The following ZBED6 variants were observed in gnomAD, a reference collection of about 807,000 sequenced individuals.
The protein encoded by ZBED6 is zinc finger BED-type containing 6, also known as zinc finger BED domain-containing protein 6.
Under a neutral mutation model 58.4 loss-of-function variants are expected in ZBED6, and 40 were observed. The observed-to-expected ratio is 0.68, with a 90% CI of 0.53 to 0.89. ZBED6 has a LOEUF of 0.89. ZBED6 is among the 40% of genes least tolerant of loss of function. The pLI is 0.00. For synonymous variants in ZBED6, 439 were observed against 350.6 expected, an observed-to-expected ratio of 1.25 and a Z score of -2.82; for missense variants, 1,057 against 1,003.9, an observed-to-expected ratio of 1.05 and a Z score of -0.71.
exon 1 of ZBED6, chr1:203,798,499 G>C: frequency 1.3e-6 from 2 of 1,536,148 alleles, no homozygotes; most frequent in Non-Finnish European, 1.7e-6. Context: ...AAAGACAGTG[G>C]TGCTGTTGCA....
chr1:203,820,417 C>A (rs1357395666), intron 3 of ZBED6, among the ~76,000 whole-genome samples: 4 of 149,826 alleles, frequency 2.7e-5, no homozygotes, highest in Non-Finnish European at 4.5e-5. Context: ...TTTGTATTCC[C>A]CCTCATTACT....
chr1:203,853,427 GT>G (rs113971217), exon 17 of ZBED6: 4 of 152,612 alleles, frequency 2.6e-5, no homozygotes, highest in African/African-American at 9.6e-5. Flanking sequence ...ATACCTGCCA[GT>G]TTTCTTCATT....
intron 11 of ZBED6, among the ~76,000 whole-genome samples, chr1:203,841,415 TAATC>T (rs749188259): frequency 2.0e-5 from 3 of 152,280 alleles, no homozygotes; most frequent in South Asian, 2.1e-4. Context: ...GCACCGCCCT[TAATC>T]AATTTAACCC....
intron 9 of ZBED6, among the ~76,000 whole-genome samples, chr1:203,836,605 A>G (rs989514606): frequency 6.6e-6 from 1 of 152,108 alleles, no homozygotes. Flanking sequence ...TACTACAAAA[A>G]AGTCTACTAA....
At chr1:203,802,709 G>T (rs1320333980) in exon 1 of ZBED6, 2 of 112,336 alleles carry the variant, frequency 1.8e-5, no homozygotes, top group Non-Finnish European at 3.7e-5. Flanking sequence ...ATCTTTAAAT[G>T]AACTCTTTTT....
At chr1:203,841,756 A>C (rs891326972) in intron 11 of ZBED6, among the ~76,000 whole-genome samples, 12 of 151,130 alleles carry the variant, frequency 7.9e-5, no homozygotes, top group Admixed American at 7.9e-4. Flanking sequence ...CCCACCTCCC[A>C]GACGGGGCAG....
chr1:203,798,142 C>T, exon 1 of ZBED6: 1 of 1,536,102 alleles, frequency 6.5e-7, no homozygotes, highest in South Asian at 1.2e-5. Flanking sequence ...TCTTTATCTC[C>T]CTCTTCTGGA....
chr1:203,824,824 A>G (rs1337218161), intron 3 of ZBED6, among the ~76,000 whole-genome samples: 1 of 152,214 alleles, frequency 6.6e-6, no homozygotes, highest in Non-Finnish European at 1.5e-5. Flanking sequence ...TCACGCCTGT[A>G]ATCCCAGCAC....
At chr1:203,851,357 T>G (rs572399163) in intron 16 of ZBED6, among the ~76,000 whole-genome samples, 3 of 152,190 alleles carry the variant, frequency 2.0e-5, no homozygotes, top group Non-Finnish European at 4.4e-5. Context: ...TGAGGCAGCG[T>G]CTCACTGTGT....
At chr1:203,847,499 G>C in exon 12 of ZBED6, 1 of 1,613,978 alleles carries the variant, frequency 6.2e-7, no homozygotes, top group Non-Finnish European at 8.5e-7. Context: ...GTTGCCAGCA[G>C]AGGACAATCA....
At chr1:203,796,518 G>T (rs1349957267) in exon 1 of ZBED6, 1 of 399,014 alleles carries the variant, frequency 2.5e-6, no homozygotes, top group Non-Finnish European at 4.4e-6. Context: ...TATGGGGAAG[G>T]CCTATATTGT....
chr1:203,795,758 G>T (rs1284061878), exon 1 of ZBED6: 1 of 152,238 alleles, frequency 6.6e-6, no homozygotes, highest in Admixed American at 6.5e-5. Context: ...GGGAGTCGGG[G>T]ATAGTGTCAT....
exon 1 of ZBED6, chr1:203,798,551 G>A (rs970215585): frequency 6.5e-7 from 1 of 1,536,108 alleles, no homozygotes; most frequent in Non-Finnish European, 8.7e-7. Flanking sequence ...GTGATCTCTT[G>A]AGTGATACCT....
chr1:203,847,348 A>G (rs768304239), exon 12 of ZBED6: 2 of 1,613,982 alleles, frequency 1.2e-6, no homozygotes, highest in Non-Finnish European at 1.7e-6. Flanking sequence ...CACTATCCGT[A>G]TCAAAACCTT....
intron 7 of ZBED6, among the ~76,000 whole-genome samples, 192 bp from the exon 8 acceptor site, chr1:203,831,469 C>T (rs952244457): frequency 6.6e-6 from 1 of 152,090 alleles, no homozygotes; most frequent in Non-Finnish European, 1.5e-5. Flanking sequence ...ATTTTGTTTT[C>T]ACATCATGCC....
intron 16 of ZBED6, 32 bp downstream of exon 16, chr1:203,851,156 C>T: frequency 1.9e-6 from 3 of 1,603,566 alleles, no homozygotes; most frequent in Non-Finnish European, 1.7e-6. Flanking sequence ...TAAACAAACT[C>T]CAGGCCCCTG....
chr1:203,817,776 G>A (rs149108502), intron 2 of ZBED6, among the ~76,000 whole-genome samples: 6 of 151,226 alleles, frequency 4.0e-5, no homozygotes, highest in African/African-American at 1.5e-4. Context: ...TTTTTGAGAC[G>A]GAGTCTAGTT....
intron 11 of ZBED6, among the ~76,000 whole-genome samples, chr1:203,845,805 G>A (rs549509900): frequency 2.6e-5 from 4 of 152,024 alleles, no homozygotes; most frequent in Admixed American, 6.6e-5. Flanking sequence ...TGTAGGTTGC[G>A]GTGAGTCAAG....
chr1:203,832,855 G>A (rs1036977702), intron 8 of ZBED6, among the ~76,000 whole-genome samples: 1 of 152,200 alleles, frequency 6.6e-6, no homozygotes, highest in Non-Finnish European at 1.5e-5. Flanking sequence ...ACATATCAAA[G>A]TGCATAAGCA....
Sources: gnomAD v4.1 joint callset for allele counts (sites outside exome capture counted in the v4.1 genomes callset) on GRCh38, gnomAD v4.1.1 for gene constraint, MANE v1.5 for transcripts, NCBI Gene and HGNC (gene_info 2026-07-23, HGNC 2026-07-21) for gene names.